ITGA6: variants seen among roughly 807,000 people sequenced by gnomAD.
The protein encoded by ITGA6 is integrin subunit alpha 6.
ITGA6 carries 63 observed loss-of-function variants against 133.6 expected under a neutral mutation model. That is an observed-to-expected ratio of 0.47 (90% CI 0.38 to 0.58). The LOEUF (loss-of-function observed/expected upper bound fraction) is 0.58, where lower values mean the gene tolerates loss of function less well. Among genes scored for constraint, ITGA6 ranks in the 20% least tolerant of loss-of-function variants. ITGA6 has a pLI of 0.00. For synonymous variants in ITGA6, 434 were observed against 482.0 expected (o/e 0.90, Z 1.30); for missense variants, 1,068 against 1,309.4 (o/e 0.82, Z 2.85).
chr2:172,501,711 CTGT>C, intron 24 of ITGA6, 58 bp from the exon 25 acceptor site: 2 of 1,555,652 alleles, frequency 1.3e-6, no homozygotes, highest in Non-Finnish European at 1.8e-6. Context: ...TTGAGATGTT[CTGT>C]TGTTTGGCTC....
rs765621037 is a variant in ITGA6 at position 172,480,031 on chromosome 2, C to T, written c.1529C>T (p.Ala510Val). The T allele has an allele frequency of 6.3e-7, 1 of 1,584,420 alleles. No individual in the cohort carries two copies. Among genetic ancestry groups the T allele is most frequent in the South Asian group, 1.1e-5 (1 of 90,436 alleles). The change falls in exon 11 of 26, where the codon GCT becomes GTT. Residue 510 changes from alanine to valine, a missense_variant. Transcript: ENST00000684293. ...KSCFEYTANP[A>V]GYNPSISIVG... Reference sequence around the variant, plus strand: ...TGTTTTGAATATACTGCTAACCCCGCTGGTTATAATCCTTCAATATGTAAG... The same window carrying T: ...TGTTTTGAATATACTGCTAACCCCGTTGGTTATAATCCTTCAATATGTAAG...
intron 25 of ITGA6, 93 bp downstream of exon 25, chr2:172,501,994 A>G: frequency 9.0e-7 from 1 of 1,113,366 alleles, no homozygotes; most frequent in Non-Finnish European, 1.3e-6. Context: ...TGTGTGTCCC[A>G]TTAACAGATG....
At chr2:172,435,849 G>A (rs1004612509) in intron 1 of ITGA6, among the ~76,000 whole-genome samples, 4 of 151,782 alleles carry the variant, frequency 2.6e-5, no homozygotes, top group Admixed American at 6.6e-5. Context: ...GGCTGGTCTC[G>A]AACTCCTGGA....
chr2:172,470,628 G>T (rs1418285130), intron 4 of ITGA6, among the ~76,000 whole-genome samples: 3 of 152,174 alleles, frequency 2.0e-5, no homozygotes, highest in Non-Finnish European at 4.4e-5. Context: ...CAGGATTACA[G>T]AGAATGTAAA....
At chr2:172,444,124 C>T (rs542173676) in intron 1 of ITGA6, among the ~76,000 whole-genome samples, 9 of 152,254 alleles carry the variant, frequency 5.9e-5, no homozygotes, top group Non-Finnish European at 8.8e-5. Flanking sequence ...TTAGATAGAA[C>T]GATTTCACAG....
rs758242266 is a variant in ITGA6 at position 172,470,988 on chromosome 2, G to A, written c.658G>A (p.Glu220Lys). The change falls in exon 5 of 26, where the codon GAG becomes AAG. Residue 220 changes from glutamate (E) to lysine (K), a missense_variant. Around this residue, in one of 3 missense-constraint regions of ITGA6, gnomAD observed 317 missense variants for 456.9 expected, o/e 0.69. Coordinates refer to ENST00000684293, the MANE Select transcript of ITGA6 (RefSeq NM_000210.4). The stretch of plus-strand genomic sequence containing the variant: ...CATTCCTTTAGGGATTGTTCGTGTA[G>A]AGCAAAAGAATAACACTTTTTTTGA... Reference protein sequence around the residue: ...TYNWKGIVRVEQKNNTFFDMN... With the variant: ...TYNWKGIVRVKQKNNTFFDMN... The A allele has an allele frequency of 1.2e-6, 2 of 1,613,976 alleles. No individual in the cohort carries two copies.
intron 1 of ITGA6, among the ~76,000 whole-genome samples, chr2:172,458,698 G>A (rs1018972938): frequency 6.6e-6 from 1 of 152,148 alleles, no homozygotes; most frequent in African/African-American, 2.4e-5. Flanking sequence ...AAAGAGAACA[G>A]GGATTATCAG....
chr2:172,480,649 T>C (rs1686402107), intron 11 of ITGA6, among the ~76,000 whole-genome samples: 1 of 152,178 alleles, frequency 6.6e-6, no homozygotes, highest in African/African-American at 2.4e-5. Context: ...CCTTAACATA[T>C]GAGTTTGCTT....
At chr2:172,436,571 T>G (rs1684329234) in intron 1 of ITGA6, among the ~76,000 whole-genome samples, 1 of 152,202 alleles carries the variant, frequency 6.6e-6, no homozygotes, top group Non-Finnish European at 1.5e-5. Context: ...ATAGAATATG[T>G]AAGCTCTGTA....
Position 172,453,105 on chromosome 2 carries a change from C to G in ITGA6, c.183-12434C>G, listed in dbSNP as rs77845041. 3.7e-4 allele frequency among the ~76,000 whole-genome samples: 56 copies of G among 152,206 alleles called. 1 individual carries two copies. The East Asian group carries it at 8.9e-3, about 24-fold the overall frequency. On this transcript the variant is annotated intron_variant, in intron 1 of 25. Coordinates refer to ENST00000684293, the MANE Select transcript of ITGA6 (RefSeq NM_000210.4). ...AATGAAAGAGTGGAGAGTGAAAGGT[C>G]GTGTTCTCAACCTGGCAGCTGGCAT...
At chr2:172,430,579 C>G (rs1684065586) in intron 1 of ITGA6, among the ~76,000 whole-genome samples, 1 of 152,178 alleles carries the variant, frequency 6.6e-6, no homozygotes, top group Non-Finnish European at 1.5e-5. Flanking sequence ...GTTTGTAGTT[C>G]AAATTTTCTA....
At chr2:172,471,189 G>A in intron 5 of ITGA6, 84 bp downstream of exon 5, 1 of 1,543,916 alleles carries the variant, frequency 6.5e-7, no homozygotes, top group Non-Finnish European at 8.9e-7. Context: ...ATGGCCCCTG[G>A]ACTTCTAGGC....
At chr2:172,452,394 G>C (rs370836052) in intron 1 of ITGA6, among the ~76,000 whole-genome samples, 2 of 152,174 alleles carry the variant, frequency 1.3e-5, no homozygotes, top group African/African-American at 4.8e-5. Flanking sequence ...AGCAACACAC[G>C]AGGCAGGAAA....
intron 1 of ITGA6, among the ~76,000 whole-genome samples, chr2:172,433,721 T>G (rs1327377110): frequency 1.3e-5 from 2 of 152,108 alleles, no homozygotes; most frequent in African/African-American, 4.8e-5. Context: ...TTTCATCACG[T>G]TTAAAGGTTT....
At chr2:172,454,946 C>T (rs1419165062) in intron 1 of ITGA6, among the ~76,000 whole-genome samples, 6 of 151,956 alleles carry the variant, frequency 3.9e-5, no homozygotes, top group South Asian at 2.1e-4. Context: ...CCCGGTGACA[C>T]GAGTTGTGCT....
intron 11 of ITGA6, 108 bp from the exon 12 acceptor site, chr2:172,484,674 A>G: frequency 2.2e-6 from 2 of 901,994 alleles, no homozygotes; most frequent in South Asian, 1.4e-5. Context: ...AAGAGAAACA[A>G]TGGCAATGTT....
Position 172,463,946 on chromosome 2 carries a change from C to T in ITGA6, c.183-1593C>T, listed in dbSNP as rs140207388. Among the ~76,000 whole-genome samples, 460 of 152,342 alleles carry T rather than the reference C, an allele frequency of 3.0e-3. 3 individuals are homozygous for T. The highest frequency in any genetic ancestry group is 0.011 in the African/African-American group (450 of 41,568). On this transcript the variant is annotated intron_variant, in intron 1 of 25. Coordinates refer to ENST00000684293, the MANE Select transcript of ITGA6 (RefSeq NM_000210.4). ...GGGGACCCTTGTGGCCCCGGCCTTGCCTCTGTCCTCTGTCAAGAAGGTTCA... is the reference window on the plus strand; with the variant it reads ...GGGGACCCTTGTGGCCCCGGCCTTGTCTCTGTCCTCTGTCAAGAAGGTTCA...
intron 23 of ITGA6, among the ~76,000 whole-genome samples, chr2:172,494,345 A>G (rs1218406869): frequency 6.6e-6 from 1 of 152,116 alleles, no homozygotes; most frequent in African/African-American, 2.4e-5. Flanking sequence ...CATCTCTACA[A>G]AAAAATACAG....
chr2:172,499,491 A>T (rs1212836970), intron 24 of ITGA6, among the ~76,000 whole-genome samples: 1 of 152,124 alleles, frequency 6.6e-6, no homozygotes, highest in African/African-American at 2.4e-5. Context: ...CGGCCTCCTG[A>T]GTAGCTGGGA....
Sources: gnomAD v4.1 joint callset for allele counts (sites outside exome capture counted in the v4.1 genomes callset) on GRCh38, gnomAD v4.1.1 for gene constraint, gnomAD v4.1.1 regional missense constraint, MANE v1.5 for transcripts, NCBI Gene and HGNC (gene_info 2026-07-23, HGNC 2026-07-21) for gene names.